The following VPS13C variants were observed in gnomAD, a reference collection of about 807,000 sequenced individuals.
The protein encoded by VPS13C is vacuolar protein sorting 13 homolog C.
Under a neutral mutation model 456.8 loss-of-function variants are expected in VPS13C, and 358 were observed. The ratio of observed to expected loss-of-function variants is 0.78; its 90% CI spans 0.72 to 0.86. The LOEUF is 0.86. Among genes scored for constraint, VPS13C ranks in the 40% least tolerant of loss-of-function variants. VPS13C has a pLI of 0.00. For missense variants in VPS13C, 4,818 were observed against 4,385.4 expected (o/e 1.10, Z -2.79); for synonymous variants, 1,578 against 1,486.7 (o/e 1.06, Z -1.41).
Position 61,890,340 on chromosome 15 carries a change from C to T in VPS13C, c.9166G>A (p.Asp3056Asn), listed in dbSNP as rs1158370435. Residue 3056 changes from aspartate (D) to asparagine (N), a missense_variant, in exon 67 of 85, where the codon GAT becomes AAT. Coordinates refer to ENST00000644861, the MANE Select transcript of VPS13C (RefSeq NM_020821.3). ...AAAAGCAAAACTCTCTGGCGCCCAT[C>T]CAGAAATGATACCCAGTGTATCTGG... Reference protein sequence around the residue: ...NIQIHWVSFLDGRQRVLLFTD... With the variant: ...NIQIHWVSFLNGRQRVLLFTD... The T allele has an allele frequency of 1.9e-6, 3 of 1,613,902 alleles. No individual in the cohort carries two copies. Among genetic ancestry groups the T allele is most frequent in the Non-Finnish European group, 2.5e-6 (3 of 1,180,022 alleles).
At chr15:61,997,766 A>G (rs561256995) in intron 16 of VPS13C, among the ~76,000 whole-genome samples, 10 of 152,230 alleles carry the variant, frequency 6.6e-5, no homozygotes, top group African/African-American at 2.4e-4. Context: ...ATTTGCAACC[A>G]TTCTCAGTAA....
rs1474432119 is a variant in VPS13C, at chr15:61,966,080, T to A, written c.3051+3A>T. The A allele has an allele frequency of 6.3e-7, 1 of 1,599,858 alleles. No individual in the cohort carries two copies. The highest frequency in any genetic ancestry group is 8.5e-7 in the Non-Finnish European group (1 of 1,171,992). On this transcript the variant is annotated splice_donor_region_variant and intron_variant, in intron 30 of 84. Coordinates refer to ENST00000644861, the MANE Select transcript of VPS13C (RefSeq NM_020821.3). Reference sequence around the variant, plus strand: ...GATAAATTCCTTTAACAGAATTTCTTACCTTAACTGTTTGTTCAGTTTTTC... The same window carrying A: ...GATAAATTCCTTTAACAGAATTTCTAACCTTAACTGTTTGTTCAGTTTTTC...
intron 18 of VPS13C, among the ~76,000 whole-genome samples, chr15:61,988,847 G>T (rs144276290): frequency 4.1e-4 from 63 of 152,206 alleles, no homozygotes; most frequent in African/African-American, 1.4e-3. Flanking sequence ...TAAGGAGACA[G>T]CTATATGGAC....
intron 1 of VPS13C, among the ~76,000 whole-genome samples, chr15:62,058,603 C>G (rs933140344): frequency 1.3e-5 from 2 of 152,164 alleles, no homozygotes; most frequent in Admixed American, 6.5e-5. Context: ...GCATAGGGTA[C>G]ATACAAATAC....
In VPS13C at chr15:61,951,886, G is replaced by A. The variant is rs1400193430; in HGVS notation, c.4394C>T (p.Thr1465Ile). 2 of 1,613,714 alleles carry A rather than the reference G, an allele frequency of 1.2e-6. No individual in the cohort carries two copies. Among genetic ancestry groups the A allele is most frequent in the African/African-American group, 1.3e-5 (1 of 74,992 alleles). ...ATAAGCTTTAGCAGTCATGTCATAGGTTTTAACTTTAGCTTCCATTCCAAG... is the reference window on the plus strand; with the variant it reads ...ATAAGCTTTAGCAGTCATGTCATAGATTTTAACTTTAGCTTCCATTCCAAG... ...LQLGMEAKVK[T>I]YDMTAKAYLK... The change falls in exon 39 of 85, where the codon ACC becomes ATC. Residue 1465 changes from threonine to isoleucine, a missense_variant. Physicochemically the swap from Thr to Ile is moderately conservative, Grantham distance 89 (BLOSUM62 -1). Coordinates refer to ENST00000644861, the MANE Select transcript of VPS13C (RefSeq NM_020821.3).
intron 78 of VPS13C, 58 bp from the exon 79 acceptor site, chr15:61,872,092 C>T: frequency 2.0e-6 from 3 of 1,465,098 alleles, no homozygotes; most frequent in Non-Finnish European, 2.8e-6. Context: ...AATTTTAAAC[C>T]AACCACTAGA....
At chr15:61,959,626 T>C (rs773573152) in intron 35 of VPS13C, 31 bp from the exon 36 acceptor site, 8 of 1,602,122 alleles carry the variant, frequency 5.0e-6, no homozygotes, top group South Asian at 1.1e-5. Context: ...ACATAATGCA[T>C]AGATATAGGG....
chr15:61,892,910 C>G (rs555478519), intron 66 of VPS13C, among the ~76,000 whole-genome samples: 4 of 152,202 alleles, frequency 2.6e-5, no homozygotes, highest in South Asian at 2.1e-4. Context: ...AATCAGTTAG[C>G]TCTAAGACAG....
intron 14 of VPS13C, 96 bp downstream of exon 14, chr15:62,008,559 C>T (rs1052572995): frequency 6.0e-6 from 4 of 665,056 alleles, no homozygotes; most frequent in Non-Finnish European, 9.3e-6. Flanking sequence ...TTTAAAGTGG[C>T]TGAATTACTT....
At chr15:61,946,501 A>C (rs2044609224) in intron 43 of VPS13C, 91 bp from the exon 44 acceptor site, 4 of 839,846 alleles carry the variant, frequency 4.8e-6, no homozygotes, top group Non-Finnish European at 7.0e-6. Context: ...GACAAGATAT[A>C]AAGTGAATAA....
At position 61,875,843 on chromosome 15, in the gene VPS13C, G is replaced by C. The variant is rs768373099; in HGVS notation, c.10227C>G (p.Phe3409Leu). The C allele has an allele frequency of 5.1e-6, 8 of 1,556,332 alleles. No homozygotes were observed. In the East Asian group the frequency reaches 1.4e-4, roughly 27 times the overall value. ...WSVVRHYSEQ[F>L]LKQMYVLVLG... is the part of the protein sequence containing the mutation. ...ATACAAGGACATACATCTGTTTCAA[G>C]AACTAAAAAAGAAAAAAAATTAAAT... The change falls in exon 76 of 85, where the codon TTC becomes TTG. Residue 3409 changes from phenylalanine to leucine, a missense_variant and splice_region_variant. By Grantham distance (22) the Phe-to-Leu change is conservative. Around this residue, in one of 3 missense-constraint regions of VPS13C, gnomAD observed 4,552 missense variants for 4,130.6 expected, o/e 1.10. Transcript: ENST00000644861.
chr15:61,950,291 G>C (rs2044741890), intron 41 of VPS13C, 67 bp downstream of exon 41: 1 of 1,180,042 alleles, frequency 8.5e-7, no homozygotes, highest in Admixed American at 1.8e-5. Flanking sequence ...TCTCACAGTT[G>C]AAAATGGCTA....
rs1567137255 is a variant in VPS13C at position 62,037,380 on chromosome 15, AAATGT to A, written c.188-2333_188-2329del. On this transcript the variant is annotated intron_variant, in intron 3 of 84. Transcript: ENST00000644861. ...TAAATGTATATAATATATTATATAT[AAATGT>A]ATATAATATATTATATATAAATATA... is the stretch of plus-strand genomic sequence containing the variant. 7.2e-4 allele frequency among the ~76,000 whole-genome samples: 68 copies of A among 94,656 alleles called. 15 individuals are homozygous for A. Among genetic ancestry groups the A allele is most frequent in the Middle Eastern group, 4.7e-3 (1 of 214 alleles). The allele number at this position is 94,656 out of a possible 152,430, so 62.1% of individuals were successfully genotyped here.
intron 9 of VPS13C, among the ~76,000 whole-genome samples, chr15:62,016,208 T>C: frequency 6.6e-6 from 1 of 151,346 alleles, no homozygotes; most frequent in East Asian, 1.9e-4. Flanking sequence ...TCCATATAAG[T>C]AGTCATAAGG....
Position 61,873,425 on chromosome 15 carries a change from G to T in VPS13C, c.10415-16C>A. On this transcript the variant is annotated splice_polypyrimidine_tract_variant and intron_variant, in intron 77 of 84. Transcript: ENST00000644861. Reference sequence around the variant, plus strand: ...GCTGCACCACCTATCAAAGACAAGGGATTAATTTCTAGAATATACAAGGAA... The same window carrying T: ...GCTGCACCACCTATCAAAGACAAGGTATTAATTTCTAGAATATACAAGGAA... 6.2e-7 allele frequency: 1 copy of T among 1,611,914 alleles called. No homozygotes were observed. Among genetic ancestry groups the T allele is most frequent in the South Asian group, 1.1e-5 (1 of 90,960 alleles).
chr15:61,888,626 A>G (rs1056419109), intron 67 of VPS13C, among the ~76,000 whole-genome samples: 1 of 152,168 alleles, frequency 6.6e-6, no homozygotes, highest in East Asian at 1.9e-4. Flanking sequence ...GCTTGATTCC[A>G]ACTATATGAA....
At chr15:61,856,854 A>G (rs1166968711) in intron 82 of VPS13C, 1 of 158,958 alleles carries the variant, frequency 6.3e-6, no homozygotes, top group Admixed American at 6.5e-5. Flanking sequence ...ACTGTCAGCC[A>G]TTTATGCCTT....
chr15:61,860,681 G>T (rs1466037847), intron 82 of VPS13C, among the ~76,000 whole-genome samples: 1 of 152,052 alleles, frequency 6.6e-6, no homozygotes, highest in Non-Finnish European at 1.5e-5. Context: ...ACAGTATATT[G>T]TTACATGAAA....
At chr15:62,040,462 A>G (rs530746588) in intron 3 of VPS13C, among the ~76,000 whole-genome samples, 1 of 152,194 alleles carries the variant, frequency 6.6e-6, no homozygotes, top group East Asian at 1.9e-4. Context: ...TATCTCATGT[A>G]CCCCATAAAT....
Sources: allele counts gnomAD v4.1 joint callset (sites outside exome capture counted in the v4.1 genomes callset), GRCh38; gene constraint gnomAD v4.1.1; regional missense constraint gnomAD v4.1.1; transcripts MANE v1.5; gene names NCBI Gene and HGNC (gene_info 2026-07-23, HGNC 2026-07-21).